Variants in CDH6 observed in about 807,000 individuals in gnomAD.
CDH6 encodes the protein cadherin-6.
A neutral mutation model predicts 78.0 loss-of-function variants in CDH6; 31 were observed. The observed-to-expected ratio is 0.40, with a 90% CI of 0.30 to 0.54. CDH6 has a LOEUF of 0.54. Among genes scored for constraint, CDH6 ranks in the 20% least tolerant of loss-of-function variants. The pLI is 0.56. For synonymous variants in CDH6, 376 were observed against 368.8 expected, an observed-to-expected ratio of 1.02 and a Z score of -0.23; for missense variants, 724 against 975.9, an observed-to-expected ratio of 0.74 and a Z score of 3.44.
At chr5:31,240,250 A>G (rs1195278162) in intron 1 of CDH6, among the ~76,000 whole-genome samples, 2 of 152,204 alleles carry the variant, frequency 1.3e-5, no homozygotes, top group Non-Finnish European at 2.9e-5. Flanking sequence ...ATTTGACCAT[A>G]GTGATTTTTT....
chr5:31,278,735 T>C (rs1398361965), intron 2 of CDH6, among the ~76,000 whole-genome samples: 3 of 152,182 alleles, frequency 2.0e-5, no homozygotes, highest in African/African-American at 7.2e-5. Flanking sequence ...CATTCTTTTT[T>C]TAACCAACTA....
intron 7 of CDH6, among the ~76,000 whole-genome samples, chr5:31,310,227 G>A (rs377185890): frequency 2.8e-5 from 1 of 35,178 alleles, no homozygotes; most frequent in Non-Finnish European, 9.1e-5. Context: ...TTGGCCACAG[G>A]CCCCATGCAA....
intron 1 of CDH6, among the ~76,000 whole-genome samples, chr5:31,207,877 G>A (rs1740578886): frequency 6.6e-6 from 1 of 152,170 alleles, no homozygotes; most frequent in African/African-American, 2.4e-5. Context: ...CCAACAGAAG[G>A]GAAATATTCC....
At chr5:31,199,422 GTACACACATATGTGTATATA>G (rs775261608) in intron 1 of CDH6, among the ~76,000 whole-genome samples, 9,130 of 143,308 alleles carry the variant, frequency 0.064, 639 homozygotes, top group East Asian at 0.39. Context: ...GTGTATATAT[GTACACACATATGTGTATATA>G]TACACACACA....
At chr5:31,299,322 A>G (rs559513507) in intron 4 of CDH6, 142 bp from the exon 5 acceptor site, 1 of 613,662 alleles carries the variant, frequency 1.6e-6, no homozygotes, top group African/African-American at 1.8e-5. Context: ...TAAAGGCTGC[A>G]TATAATTATT....
chr5:31,274,677 G>C (rs568954912), intron 2 of CDH6, among the ~76,000 whole-genome samples: 1 of 152,160 alleles, frequency 6.6e-6, no homozygotes, highest in Non-Finnish European at 1.5e-5. Flanking sequence ...AAAATTAGAC[G>C]GGCGTGGTAG....
chr5:31,297,332 A>G lies in CDH6; in HGVS notation c.567A>G (p.Pro189=), dbSNP rs1737638641. 3 of 1,609,574 alleles carry G rather than the reference A, an allele frequency of 1.9e-6. No homozygotes were observed. Among genetic ancestry groups the G allele is most frequent in the Non-Finnish European group, 2.6e-6 (3 of 1,176,068 alleles). Residue 189 remains proline (P), a synonymous_variant, in exon 4 of 12, where the codon CCA becomes CCG. Transcript: ENST00000265071. ...TCACTGCGACGGATGCAGATGATCC[A>G]ACATATGGGAACAGTGCTAAAGTTG... is the stretch of plus-strand genomic sequence containing the variant. The part of the protein sequence containing the change: ...VQVTATDADD[P]TYGNSAKVVY...
At chr5:31,298,969 G>A (rs2149949922) in intron 4 of CDH6, among the ~76,000 whole-genome samples, 1 of 152,264 alleles carries the variant, frequency 6.6e-6, no homozygotes, top group South Asian at 2.1e-4. Context: ...ATTCGTTATG[G>A]TAGGTGTATC....
rs897064624 is a variant in CDH6, at chr5:31,325,540, C to T, written c.*2232C>T. The T allele has an allele frequency of 2.6e-5, 6 of 230,146 alleles. No individual in the cohort carries two copies. The highest frequency in any genetic ancestry group is 8.9e-5 in the African/African-American group (4 of 45,134). 14.3% of individuals were successfully genotyped at this position (230,146 alleles called of 1,614,324 possible). A position where few individuals can be genotyped will look rare whatever the true frequency, so the allele number is the denominator to read the frequency against. ...GTCTCTATCTGTATGTTTCATGTCA[C>T]GTAACAAATTGAATCAAGGAAGATA... On this transcript the variant is annotated 3_prime_UTR_variant, in exon 12 of 12. Coordinates refer to ENST00000265071, the MANE Select transcript of CDH6 (RefSeq NM_004932.4).
chr5:31,301,437 AT>A (rs999513158), intron 5 of CDH6, among the ~76,000 whole-genome samples: 2 of 152,096 alleles, frequency 1.3e-5, no homozygotes, highest in African/African-American at 4.8e-5. Context: ...ACAGGAGCAT[AT>A]TTTTTTTAAA....
At chr5:31,301,146 C>T (rs928952575) in intron 5 of CDH6, among the ~76,000 whole-genome samples, 3 of 152,216 alleles carry the variant, frequency 2.0e-5, no homozygotes, top group East Asian at 1.9e-4. Context: ...TTTTGAGTTA[C>T]GTACTTGAGT....
At chr5:31,308,283 G>C (rs1487404181) in intron 7 of CDH6, among the ~76,000 whole-genome samples, 2 of 151,928 alleles carry the variant, frequency 1.3e-5, no homozygotes, top group African/African-American at 4.8e-5. Context: ...TTTGGTTTCT[G>C]TGAAAGAATC....
chr5:31,226,430 C>T (rs1741152306), intron 1 of CDH6, among the ~76,000 whole-genome samples: 1 of 152,206 alleles, frequency 6.6e-6, no homozygotes, highest in Non-Finnish European at 1.5e-5. Context: ...CCACCTTGGC[C>T]TCCCAAAGTG....
chr5:31,210,076 T>TGTG (rs139058311), intron 1 of CDH6, among the ~76,000 whole-genome samples: 1 of 146,470 alleles, frequency 6.8e-6, no homozygotes, highest in Non-Finnish European at 1.5e-5. Flanking sequence ...TTTTCTTAAA[T>TGTG]TGTGTGTGTG....
intron 2 of CDH6, among the ~76,000 whole-genome samples, chr5:31,272,588 A>C (rs1004194422): frequency 6.0e-4 from 92 of 152,232 alleles, no homozygotes; most frequent in African/African-American, 2.2e-3. Flanking sequence ...TCATTAATAC[A>C]AAGATGAATT....
chr5:31,294,113 G>C lies in CDH6; in HGVS notation c.380G>C (p.Arg127Pro). The C allele has an allele frequency of 6.2e-7, 1 of 1,613,776 alleles. No homozygotes were observed. Among genetic ancestry groups the C allele is most frequent in the Non-Finnish European group, 8.5e-7 (1 of 1,179,896 alleles). ...DREEKPVYILRAQAINRRTGR... is the reference protein window; with the variant it reads ...DREEKPVYILPAQAINRRTGR... ...GAAGAAAAACCCGTTTACATCCTTCGAGCTCAAGCTATAAACAGAAGGACA... is the reference window on the plus strand; with the variant it reads ...GAAGAAAAACCCGTTTACATCCTTCCAGCTCAAGCTATAAACAGAAGGACA... The change falls in exon 3 of 12, where the codon CGA becomes CCA. Residue 127 changes from arginine to proline, a missense_variant. By Grantham distance (103) the Arg-to-Pro change is moderately radical. Transcript: ENST00000265071. This position sits in a 1 kb window ranked among gnomAD's most constrained non-coding sequence, Gnocchi z 4.1.
intron 11 of CDH6, among the ~76,000 whole-genome samples, chr5:31,321,970 GAAGA>G (rs1331491886): frequency 1.3e-5 from 2 of 152,144 alleles, no homozygotes; most frequent in African/African-American, 2.4e-5. Flanking sequence ...AGCCAGCTGT[GAAGA>G]AAGATCAGGA....
intron 1 of CDH6, among the ~76,000 whole-genome samples, chr5:31,242,809 C>A (rs1741643329): frequency 6.6e-6 from 1 of 150,902 alleles, no homozygotes; most frequent in Non-Finnish European, 1.5e-5. Flanking sequence ...ATCACTTGAG[C>A]TCAGGAGCTT....
At chr5:31,307,300 G>A (rs777782492) in intron 7 of CDH6, among the ~76,000 whole-genome samples, 3 of 152,178 alleles carry the variant, frequency 2.0e-5, no homozygotes, top group Non-Finnish European at 4.4e-5. Flanking sequence ...AGAATGTGGG[G>A]CTCTAAGGCA....
Sources: allele counts gnomAD v4.1 joint callset (sites outside exome capture counted in the v4.1 genomes callset), GRCh38; gene constraint gnomAD v4.1.1; non-coding constraint Gnocchi (gnomAD v3.1); transcripts MANE v1.5; gene names NCBI Gene and HGNC (gene_info 2026-07-23, HGNC 2026-07-21).